Variants in DPYD observed in about 807,000 individuals in gnomAD.
DPYD encodes dihydropyrimidine dehydrogenase [NADP(+)].
In DPYD, 109 loss-of-function variants were observed where a neutral mutation model predicts 116.2. That is an observed-to-expected ratio of 0.94 (90% CI 0.80 to 1.10). DPYD has a LOEUF of 1.10. DPYD is among the 50% of genes least tolerant of loss of function. DPYD has a pLI of 0.00. For synonymous variants in DPYD, 440 were observed against 432.0 expected, an observed-to-expected ratio of 1.02 and a Z score of -0.23; for missense variants, 1,302 against 1,254.5, an observed-to-expected ratio of 1.04 and a Z score of -0.57.
chr1:97,284,763 A>G (rs1341730882), intron 18 of DPYD, among the ~76,000 whole-genome samples: 2 of 152,060 alleles, frequency 1.3e-5, no homozygotes, highest in Non-Finnish European at 2.9e-5. Flanking sequence ...ATATTTTTCT[A>G]CATTTTCTGG....
At chr1:97,089,956 GT>G in intron 21 of DPYD, among the ~76,000 whole-genome samples, 1 of 150,712 alleles carries the variant, frequency 6.6e-6, no homozygotes, top group African/African-American at 2.4e-5. Flanking sequence ...CATGCTTGAT[GT>G]TCAAATGAAA....
At chr1:97,254,035 T>G (rs560620817) in intron 18 of DPYD, among the ~76,000 whole-genome samples, 9 of 152,240 alleles carry the variant, frequency 5.9e-5, no homozygotes, top group African/African-American at 2.2e-4. Flanking sequence ...ATTAAGGCTT[T>G]TATTAATATT....
intron 4 of DPYD, among the ~76,000 whole-genome samples, chr1:97,732,362 C>A (rs906344918): frequency 2.0e-5 from 3 of 151,442 alleles, no homozygotes; most frequent in African/African-American, 7.3e-5. Flanking sequence ...GTAGTCTCAG[C>A]TACTCAGGAG....
chr1:97,232,024 T>G (rs1661618429), intron 19 of DPYD, among the ~76,000 whole-genome samples: 1 of 152,228 alleles, frequency 6.6e-6, no homozygotes, highest in Admixed American at 6.5e-5. Flanking sequence ...TCCTTTCTTC[T>G]TGATATCCTA....
intron 14 of DPYD, among the ~76,000 whole-genome samples, chr1:97,390,927 A>G (rs138986608): frequency 5.3e-4 from 81 of 151,966 alleles, no homozygotes; most frequent in Non-Finnish European, 7.2e-4. Flanking sequence ...CACCAAATAT[A>G]TTATATACTT....
chr1:97,519,634 A>T (rs765442190), intron 12 of DPYD, among the ~76,000 whole-genome samples: 2 of 152,194 alleles, frequency 1.3e-5, no homozygotes, highest in Non-Finnish European at 2.9e-5. Flanking sequence ...GAGACTATCT[A>T]CTTTAAAAGC....
chr1:97,292,715 C>T (rs530921290), intron 18 of DPYD, among the ~76,000 whole-genome samples: 172 of 95,422 alleles, frequency 1.8e-3, no homozygotes, highest in African/African-American at 5.9e-3. Context: ...CGCGCGCACA[C>T]GCGCGAGCAC....
At chr1:97,833,922 TA>T (rs1018164722) in intron 2 of DPYD, among the ~76,000 whole-genome samples, 5 of 152,198 alleles carry the variant, frequency 3.3e-5, no homozygotes, top group African/African-American at 1.2e-4. Flanking sequence ...TCCTTTTCCT[TA>T]AAAAATTACA....
intron 3 of DPYD, among the ~76,000 whole-genome samples, chr1:97,820,192 G>A (rs140811139): frequency 6.6e-6 from 1 of 152,002 alleles, no homozygotes; most frequent in African/African-American, 2.4e-5. Context: ...TAATACCTAG[G>A]TTCCAGTAGT....
intron 20 of DPYD, among the ~76,000 whole-genome samples, chr1:97,143,740 CT>C (rs1654400356): frequency 6.6e-6 from 1 of 152,160 alleles, no homozygotes; most frequent in African/African-American, 2.4e-5. Flanking sequence ...CTTTTAGTGT[CT>C]GAGGTGAGTC....
intron 7 of DPYD, 138 bp from the exon 8 acceptor site, chr1:97,679,320 T>C (rs958926171): frequency 3.5e-6 from 2 of 564,530 alleles, no homozygotes; most frequent in Non-Finnish European, 6.4e-6. Context: ...TTTTTGTCTT[T>C]TAGTATATAG....
chr1:97,593,915 T>C (rs1343587661), intron 9 of DPYD, among the ~76,000 whole-genome samples: 3 of 152,206 alleles, frequency 2.0e-5, no homozygotes, highest in African/African-American at 7.2e-5. Flanking sequence ...TTCTGAGAAC[T>C]ATTTTCTTGA....
At chr1:97,202,054 C>T (rs1455560596) in intron 19 of DPYD, among the ~76,000 whole-genome samples, 2 of 151,952 alleles carry the variant, frequency 1.3e-5, no homozygotes, top group African/African-American at 4.8e-5. Flanking sequence ...TGTCATTCTA[C>T]TAAGAAATCT....
At chr1:97,919,667 A>G (rs1296075938) in intron 1 of DPYD, among the ~76,000 whole-genome samples, 1 of 152,234 alleles carries the variant, frequency 6.6e-6, no homozygotes, top group South Asian at 2.1e-4. Flanking sequence ...AAAGACAAGT[A>G]TCTATTATCC....
chr1:97,219,139 T>A (rs975913734), intron 19 of DPYD, among the ~76,000 whole-genome samples: 7 of 152,258 alleles, frequency 4.6e-5, no homozygotes, highest in African/African-American at 1.7e-4. Context: ...TTAGAAAATG[T>A]AATGAAGAAA....
At chr1:97,655,603 A>C (rs1658859506) in intron 8 of DPYD, among the ~76,000 whole-genome samples, 1 of 152,240 alleles carries the variant, frequency 6.6e-6, no homozygotes, top group African/African-American at 2.4e-5. Flanking sequence ...CAAGGAAATT[A>C]AAATTTTGGT....
chr1:97,426,715 T>C (rs1350071887), intron 14 of DPYD, among the ~76,000 whole-genome samples: 1 of 151,990 alleles, frequency 6.6e-6, no homozygotes, highest in Non-Finnish European at 1.5e-5. Context: ...TCAGGGTTAA[T>C]AGATATTTTA....
intron 3 of DPYD, among the ~76,000 whole-genome samples, chr1:97,746,359 C>T (rs1664553158): frequency 6.6e-6 from 1 of 152,026 alleles, no homozygotes. Context: ...ATTAAATATG[C>T]TACAAAATCC....
chr1:97,161,756 G>C (rs1438522803), intron 20 of DPYD, among the ~76,000 whole-genome samples: 1 of 119,258 alleles, frequency 8.4e-6, no homozygotes, highest in African/African-American at 3.4e-5. Context: ...AGAGTGTGAT[G>C]TTCCCCTTCC....
Sources: gnomAD v4.1 joint callset for allele counts (sites outside exome capture counted in the v4.1 genomes callset) on GRCh38, gnomAD v4.1.1 for gene constraint, MANE v1.5 for transcripts, NCBI Gene and HGNC (gene_info 2026-07-23, HGNC 2026-07-21) for gene names.